The following NTNG1 variants were observed in gnomAD, a reference collection of about 807,000 sequenced individuals.
NTNG1 encodes netrin G1, also known as netrin-G1.
In NTNG1, 16 loss-of-function variants were observed where a neutral mutation model predicts 54.0. That is an observed-to-expected ratio of 0.30 (90% CI 0.20 to 0.45). The LOEUF is 0.45. NTNG1 is among the 20% of genes least tolerant of loss of function. NTNG1 has a pLI of 1.00. For missense variants in NTNG1, 530 were observed against 678.7 expected (o/e 0.78, Z 2.43); for synonymous variants, 255 against 263.1 (o/e 0.97, Z 0.30).
intron 2 of NTNG1, among the ~76,000 whole-genome samples, chr1:107,252,888 T>A (rs1250378732): frequency 6.6e-6 from 1 of 152,174 alleles, no homozygotes; most frequent in Non-Finnish European, 1.5e-5. Flanking sequence ...GGGTGGGGAA[T>A]ATTACCATTA....
intron 3 of NTNG1, among the ~76,000 whole-genome samples, chr1:107,346,332 T>C (rs545589328): frequency 6.4e-4 from 97 of 152,266 alleles, no homozygotes; most frequent in Non-Finnish European, 1.2e-3. Flanking sequence ...AGTGAGCCAT[T>C]CTGATACCCT....
chr1:107,222,914 A>G (rs1417945934), intron 2 of NTNG1, among the ~76,000 whole-genome samples: 5 of 151,456 alleles, frequency 3.3e-5, no homozygotes, highest in Non-Finnish European at 7.4e-5. Context: ...CTCAACCAAC[A>G]TTTGGTCCTG....
At chr1:107,383,428 G>A (rs11185102) in intron 3 of NTNG1, among the ~76,000 whole-genome samples, 69,911 of 151,920 alleles carry the variant, frequency 0.46, 18,036 homozygotes, top group Middle Eastern at 0.73. Context: ...ACATCAAATC[G>A]GAAATAAAAA....
At chr1:107,168,354 A>G (rs1205733614) in intron 2 of NTNG1, among the ~76,000 whole-genome samples, 1 of 152,098 alleles carries the variant, frequency 6.6e-6, no homozygotes. Context: ...TTAGTTATTA[A>G]TCGATGAAGT....
rs951591669 is a variant in NTNG1 at position 107,205,786 on chromosome 1, C to G, written c.246+56947C>G. Among the ~76,000 whole-genome samples the G allele has an allele frequency of 3.9e-5, 6 of 152,240 alleles. No homozygotes were observed. The South Asian group carries it at 1.2e-3, about 32-fold the overall frequency. On this transcript the variant is annotated intron_variant, in intron 2 of 7. Coordinates refer to ENST00000370068, the MANE Select transcript of NTNG1 (RefSeq NM_001113226.3). ...CACTCCCAGGAACACCTCTCATGCC[C>G]TCTTCAACTGCCCTTTCAACTTTAC... is the stretch of plus-strand genomic sequence containing the variant.
chr1:107,203,508 T>C (rs1186636706), intron 2 of NTNG1, among the ~76,000 whole-genome samples: 4 of 151,462 alleles, frequency 2.6e-5, no homozygotes, highest in African/African-American at 9.7e-5. Context: ...TTCTGGGAAG[T>C]TTATATATAT....
chr1:107,253,053 G>T (rs1324001453), intron 2 of NTNG1, among the ~76,000 whole-genome samples: 1 of 152,104 alleles, frequency 6.6e-6, no homozygotes, highest in African/African-American at 2.4e-5. Context: ...AGAATACCAG[G>T]GAAAACCTAT....
At chr1:107,368,182 C>T (rs1303240824) in intron 3 of NTNG1, among the ~76,000 whole-genome samples, 1 of 152,162 alleles carries the variant, frequency 6.6e-6, no homozygotes, top group Non-Finnish European at 1.5e-5. Flanking sequence ...CTTATTACCT[C>T]TGGTTCCAAT....
chr1:107,242,477 T>C (rs753686893), intron 2 of NTNG1, among the ~76,000 whole-genome samples: 15 of 152,198 alleles, frequency 9.9e-5, no homozygotes, highest in Non-Finnish European at 2.2e-4. Context: ...CACATAGTTG[T>C]ATTAAATAGT....
At chr1:107,170,390 A>G (rs1656133049) in intron 2 of NTNG1, among the ~76,000 whole-genome samples, 3 of 152,118 alleles carry the variant, frequency 2.0e-5, no homozygotes. Flanking sequence ...CCCATCTATT[A>G]TTTTATTTAT....
intron 5 of NTNG1, 121 bp downstream of exon 5, chr1:107,407,829 T>C: frequency 2.3e-6 from 2 of 875,654 alleles, no homozygotes; most frequent in Non-Finnish European, 3.9e-6. Flanking sequence ...GTATTTTCTT[T>C]GTGAATTGCA....
At chr1:107,199,437 T>C (rs1364548508) in intron 2 of NTNG1, among the ~76,000 whole-genome samples, 1 of 151,974 alleles carries the variant, frequency 6.6e-6, no homozygotes, top group Non-Finnish European at 1.5e-5. Flanking sequence ...AGTATTAAAT[T>C]GTATTGCAGT....
chr1:107,232,244 G>C (rs1274327904), intron 2 of NTNG1, among the ~76,000 whole-genome samples: 1 of 152,112 alleles, frequency 6.6e-6, no homozygotes, highest in Non-Finnish European at 1.5e-5. Context: ...AACATGTAAA[G>C]GACACTTAAT....
At chr1:107,311,851 A>G (rs1197449718) in intron 2 of NTNG1, among the ~76,000 whole-genome samples, 1 of 152,208 alleles carries the variant, frequency 6.6e-6, no homozygotes, top group Non-Finnish European at 1.5e-5. Flanking sequence ...GTGCATATAT[A>G]CACACTCATA....
intron 6 of NTNG1, among the ~76,000 whole-genome samples, chr1:107,431,635 C>T (rs1036151143): frequency 1.3e-5 from 2 of 152,104 alleles, no homozygotes; most frequent in Non-Finnish European, 2.9e-5. Context: ...GGCACCTTTC[C>T]CACCCAGAAA....
At chr1:107,390,861 A>G (rs1238076450) in intron 3 of NTNG1, among the ~76,000 whole-genome samples, 1 of 152,196 alleles carries the variant, frequency 6.6e-6, no homozygotes, top group Non-Finnish European at 1.5e-5. Context: ...ATGACAGAAT[A>G]AGCAATTAAA....
intron 3 of NTNG1, among the ~76,000 whole-genome samples, chr1:107,358,375 G>A (rs780768453): frequency 9.9e-5 from 14 of 140,758 alleles, no homozygotes; most frequent in Non-Finnish European, 2.0e-4. Context: ...TTTTTTTTTT[G>A]ACATCTATGA....
intron 2 of NTNG1, among the ~76,000 whole-genome samples, chr1:107,235,380 A>G (rs1017563344): frequency 8.5e-5 from 13 of 152,276 alleles, no homozygotes; most frequent in Non-Finnish European, 1.8e-4. Flanking sequence ...GAAATGACCT[A>G]CATCTTCATA....
At chr1:107,395,959 T>C (rs905394073) in intron 4 of NTNG1, among the ~76,000 whole-genome samples, 3 of 152,078 alleles carry the variant, frequency 2.0e-5, no homozygotes, top group African/African-American at 7.2e-5. Flanking sequence ...TGTGAAAGAG[T>C]GCAAGCATTA....
Sources: allele counts gnomAD v4.1 joint callset (sites outside exome capture counted in the v4.1 genomes callset), GRCh38; gene constraint gnomAD v4.1.1; transcripts MANE v1.5; gene names NCBI Gene and HGNC (gene_info 2026-07-23, HGNC 2026-07-21).